MYO5B: variants seen among roughly 807,000 people sequenced by gnomAD.
The protein encoded by MYO5B is myosin VB.
MYO5B carries 143 observed loss-of-function variants against 229.3 expected under a neutral mutation model. The ratio of observed to expected loss-of-function variants is 0.62; its 90% CI spans 0.54 to 0.72. The LOEUF (loss-of-function observed/expected upper bound fraction) is 0.72, where lower values mean the gene tolerates loss of function less well. Among genes scored for constraint, MYO5B ranks in the 30% least tolerant of loss-of-function variants. The probability of loss-of-function intolerance (pLI) is 0.00; values close to 1 mark genes in which losing one functional copy is unlikely to be tolerated. For missense variants in MYO5B, 2,321 were observed against 2,331.0 expected, an observed-to-expected ratio of 1.00 and a Z score of 0.09; for synonymous variants, 918 against 885.2, an observed-to-expected ratio of 1.04 and a Z score of -0.66.
chr18:50,186,837 G>A (rs946404000), intron 1 of MYO5B, among the ~76,000 whole-genome samples: 3 of 152,106 alleles, frequency 2.0e-5, no homozygotes, highest in Admixed American at 2.0e-4. Flanking sequence ...AGCTGAGAGC[G>A]CCACAATATC....
At chr18:50,151,182 C>G (rs2032592542) in intron 1 of MYO5B, among the ~76,000 whole-genome samples, 1 of 152,198 alleles carries the variant, frequency 6.6e-6, no homozygotes, top group Non-Finnish European at 1.5e-5. Context: ...TTTAATCCCA[C>G]TCCCACAGGA....
At chr18:50,161,743 C>T (rs2032769963) in intron 1 of MYO5B, among the ~76,000 whole-genome samples, 1 of 152,310 alleles carries the variant, frequency 6.6e-6, no homozygotes, top group Non-Finnish European at 1.5e-5. Flanking sequence ...GAAACATGGA[C>T]AAGAGTCCCA....
chr18:49,973,971 G>A (rs2025717583), intron 10 of MYO5B, among the ~76,000 whole-genome samples: 1 of 152,180 alleles, frequency 6.6e-6, no homozygotes, highest in African/African-American at 2.4e-5. Context: ...AAACATTACT[G>A]AGATACAGAA....
Position 49,954,347 on chromosome 18 carries a change from T to C in MYO5B, c.1634A>G (p.Asn545Ser), listed in dbSNP as rs1399079640. The change falls in exon 13 of 40, where the codon AAC becomes AGC. Residue 545 changes from asparagine (N) to serine (S), a missense_variant. Coordinates refer to ENST00000285039, the MANE Select transcript of MYO5B (RefSeq NM_001080467.3). The part of the protein sequence containing the change: ...SQHFQKPRMS[N>S]TAFIIVHFAD... ...AAAGTGGACGATGATGAAGGCCGTGTTGGACATGCGGGGCTTCTGGAAGTG... is the reference window on the plus strand; with the variant it reads ...AAAGTGGACGATGATGAAGGCCGTGCTGGACATGCGGGGCTTCTGGAAGTG... 1 of 1,613,992 alleles carries C rather than the reference T, an allele frequency of 6.2e-7. No homozygotes were observed. The highest frequency in any genetic ancestry group is 1.1e-5 in the South Asian group (1 of 91,080).
intron 14 of MYO5B, among the ~76,000 whole-genome samples, chr18:49,940,429 G>A (rs2144219755): frequency 6.6e-6 from 1 of 152,278 alleles, no homozygotes; most frequent in South Asian, 2.1e-4. Flanking sequence ...GGCAGTTTCT[G>A]CAACCTTATT....
chr18:49,936,599 C>T (rs1209843890), intron 15 of MYO5B, among the ~76,000 whole-genome samples: 1 of 152,088 alleles, frequency 6.6e-6, no homozygotes, highest in Admixed American at 6.5e-5. Flanking sequence ...CCTAATGTGC[C>T]TAACTCCCAG....
chr18:50,153,360 T>A (rs2032629585), intron 1 of MYO5B, among the ~76,000 whole-genome samples: 1 of 152,168 alleles, frequency 6.6e-6, no homozygotes, highest in African/African-American at 2.4e-5. Context: ...GTGTTAACAG[T>A]GAGGCATGAC....
rs376085271 is a variant in MYO5B at position 49,864,670 on chromosome 18, C to G, written c.3604-290G>C. On this transcript the variant is annotated intron_variant, in intron 27 of 39. Coordinates refer to ENST00000285039, the MANE Select transcript of MYO5B (RefSeq NM_001080467.3). ...GCTAAACATGTTTGGCTGTGAAACTCCTCCTTGTGGAAATGCTGGGCTCAC... is the reference window on the plus strand; with the variant it reads ...GCTAAACATGTTTGGCTGTGAAACTGCTCCTTGTGGAAATGCTGGGCTCAC... Among the ~76,000 whole-genome samples the G allele has an allele frequency of 5.9e-5, 9 of 152,360 alleles. No homozygotes were observed. The East Asian group carries it at 9.6e-4, about 16-fold the overall frequency.
chr18:49,851,660 A>G (rs1484810325), intron 31 of MYO5B, among the ~76,000 whole-genome samples: 2 of 143,810 alleles, frequency 1.4e-5, no homozygotes, highest in Non-Finnish European at 3.0e-5. Context: ...AGGAGGGACA[A>G]TCACATCCTC....
intron 14 of MYO5B, among the ~76,000 whole-genome samples, chr18:49,940,152 A>G (rs1261943691): frequency 6.6e-6 from 1 of 152,232 alleles, no homozygotes; most frequent in African/African-American, 2.4e-5. Context: ...TAGGTCCAAA[A>G]TTCACAAAAT....
intron 1 of MYO5B, among the ~76,000 whole-genome samples, chr18:50,092,583 A>G (rs933347839): frequency 2.0e-5 from 3 of 152,192 alleles, no homozygotes; most frequent in South Asian, 2.1e-4. Flanking sequence ...AAAGGGTTAT[A>G]AAGACCAGAA....
At chr18:49,901,515 G>A (rs942941681) in intron 21 of MYO5B, among the ~76,000 whole-genome samples, 1 of 152,202 alleles carries the variant, frequency 6.6e-6, no homozygotes, top group African/African-American at 2.4e-5. Flanking sequence ...AAATAAGAGT[G>A]CTAACCATTT....
At chr18:50,111,146 T>TTA (rs1264721841) in intron 1 of MYO5B, among the ~76,000 whole-genome samples, 1 of 152,170 alleles carries the variant, frequency 6.6e-6, no homozygotes, top group African/African-American at 2.4e-5. Flanking sequence ...AGCTCAAAGA[T>TTA]TACTAGAGTG....
intron 2 of MYO5B, among the ~76,000 whole-genome samples, chr18:50,042,731 T>A (rs2666932): frequency 0.79 from 119,522 of 152,080 alleles, 47,425 homozygotes; most frequent in Admixed American, 0.85. Flanking sequence ...CACACCTCGG[T>A]GGAGATGTCC....
At chr18:50,146,149 A>G (rs193124156) in intron 1 of MYO5B, among the ~76,000 whole-genome samples, 15 of 152,340 alleles carry the variant, frequency 9.8e-5, no homozygotes, top group African/African-American at 3.4e-4. Flanking sequence ...GCCTTCACTC[A>G]GTCTAACCCC....
At chr18:50,049,034 A>G (rs1183636923) in intron 2 of MYO5B, among the ~76,000 whole-genome samples, 1 of 151,992 alleles carries the variant, frequency 6.6e-6, no homozygotes, top group Non-Finnish European at 1.5e-5. Flanking sequence ...GAAAAAAAAA[A>G]AAAAAAAAGT....
intron 4 of MYO5B, among the ~76,000 whole-genome samples, chr18:50,028,996 T>G (rs996521153): frequency 6.6e-6 from 1 of 152,224 alleles, no homozygotes; most frequent in Admixed American, 6.5e-5. Context: ...CCTAAATGCA[T>G]AATTTTAAAA....
At chr18:49,859,636 G>C (rs1456894183) in intron 29 of MYO5B, among the ~76,000 whole-genome samples, 1 of 152,170 alleles carries the variant, frequency 6.6e-6, no homozygotes, top group Non-Finnish European at 1.5e-5. Flanking sequence ...CCATATGAGG[G>C]TGAACAGTTT....
At chr18:49,912,515 G>A (rs868026593) in intron 17 of MYO5B, among the ~76,000 whole-genome samples, 16 of 152,294 alleles carry the variant, frequency 1.1e-4, no homozygotes, top group Middle Eastern at 6.8e-3. Context: ...CTCACATGTC[G>A]AGGGAGGTAC....
Sources: allele counts gnomAD v4.1 joint callset (sites outside exome capture counted in the v4.1 genomes callset), GRCh38; gene constraint gnomAD v4.1.1; transcripts MANE v1.5; gene names NCBI Gene and HGNC (gene_info 2026-07-23, HGNC 2026-07-21).